PTPRD: variants seen among roughly 807,000 people sequenced by gnomAD.
PTPRD encodes receptor-type tyrosine-protein phosphatase delta.
Under a neutral mutation model 214.5 loss-of-function variants are expected in PTPRD, and 34 were observed. The observed-to-expected ratio is 0.16, with a 90% CI of 0.12 to 0.21. The LOEUF is 0.21. Ranked by LOEUF, PTPRD falls within the 10% of genes least tolerant of loss-of-function variation. The probability of loss-of-function intolerance (pLI) is 1.00; values close to 1 mark genes in which losing one functional copy is unlikely to be tolerated. For synonymous variants in PTPRD, 1,128 were observed against 845.7 expected (o/e 1.33, Z -5.79); for missense variants, 2,545 against 2,398.7 (o/e 1.06, Z -1.27).
chr9:9,437,373 C>G (rs1233402975), intron 8 of PTPRD, among the ~76,000 whole-genome samples: 1 of 152,096 alleles, frequency 6.6e-6, no homozygotes, highest in Non-Finnish European at 1.5e-5. Context: ...TTTGATTGCA[C>G]TGTCACCAGG....
chr9:8,391,896 G>A (rs761153828), intron 36 of PTPRD, among the ~76,000 whole-genome samples: 3 of 151,748 alleles, frequency 2.0e-5, no homozygotes, highest in Non-Finnish European at 4.4e-5. Flanking sequence ...GGGTAAAAAT[G>A]TTAATCAGTT....
At chr9:8,407,128 C>T (rs1054875538) in intron 35 of PTPRD, among the ~76,000 whole-genome samples, 8 of 152,124 alleles carry the variant, frequency 5.3e-5, no homozygotes, top group African/African-American at 1.9e-4. Context: ...ACTTTAAAAA[C>T]GAGTAACAGA....
intron 11 of PTPRD, among the ~76,000 whole-genome samples, chr9:8,916,319 G>A (rs1251181937): frequency 6.6e-6 from 1 of 152,146 alleles, no homozygotes; most frequent in African/African-American, 2.4e-5. Context: ...GGACAATTAT[G>A]ACATTTATTA....
intron 3 of PTPRD, among the ~76,000 whole-genome samples, chr9:10,207,071 A>G (rs2099486568): frequency 6.6e-6 from 1 of 152,172 alleles, no homozygotes; most frequent in Non-Finnish European, 1.5e-5. Context: ...TCATCTATCT[A>G]TATCTCTATA....
chr9:9,507,190 G>T lies in PTPRD; in HGVS notation c.-237+67542C>A, dbSNP rs2096589718. Among the ~76,000 whole-genome samples, 3 of 151,188 alleles carry T rather than the reference G, an allele frequency of 2.0e-5. No individual in the cohort carries two copies. The South Asian group carries it at 6.2e-4, about 31-fold the overall frequency. On this transcript the variant is annotated intron_variant, in intron 8 of 45. Coordinates refer to ENST00000381196, the MANE Select transcript of PTPRD (RefSeq NM_002839.4). The stretch of plus-strand genomic sequence containing the variant: ...ATAAAATTAACTGATTAAAAAGCAG[G>T]ATAGTAAGCATTATAATGTCAATTT...
chr9:9,595,415 C>T (rs999352617), intron 7 of PTPRD, among the ~76,000 whole-genome samples: 3 of 144,226 alleles, frequency 2.1e-5, no homozygotes, highest in Non-Finnish European at 3.0e-5. Context: ...CATATATATA[C>T]AAATGTACAC....
chr9:9,280,588 A>T (rs181211015), intron 9 of PTPRD, among the ~76,000 whole-genome samples: 1 of 151,348 alleles, frequency 6.6e-6, no homozygotes, highest in Middle Eastern at 3.2e-3. Context: ...TATAAGATCC[A>T]TATCAGGAAA....
At chr9:9,396,204 T>C (rs1392317876) in intron 9 of PTPRD, among the ~76,000 whole-genome samples, 1 of 151,954 alleles carries the variant, frequency 6.6e-6, no homozygotes, top group Admixed American at 6.6e-5. Context: ...CAAAACCAAA[T>C]CAAACGTTTG....
At chr9:10,516,428 T>G (rs1179382007) in intron 2 of PTPRD, among the ~76,000 whole-genome samples, 1 of 152,030 alleles carries the variant, frequency 6.6e-6, no homozygotes, top group Admixed American at 6.5e-5. Context: ...TTATTAGATT[T>G]TTGGAAATGA....
At chr9:9,136,941 A>T (rs938506675) in intron 10 of PTPRD, among the ~76,000 whole-genome samples, 1 of 152,084 alleles carries the variant, frequency 6.6e-6, no homozygotes, top group Non-Finnish European at 1.5e-5. Context: ...TGGCTTGCTC[A>T]GGGATAAACT....
intron 39 of PTPRD, among the ~76,000 whole-genome samples, chr9:8,375,210 G>A (rs555856589): frequency 3.7e-4 from 56 of 151,950 alleles, no homozygotes; most frequent in African/African-American, 1.2e-3. Flanking sequence ...ATACTTAAGA[G>A]GCACTCAAAC....
intron 39 of PTPRD, among the ~76,000 whole-genome samples, chr9:8,343,273 A>G (rs922874043): frequency 2.6e-5 from 4 of 152,084 alleles, no homozygotes; most frequent in African/African-American, 9.7e-5. Context: ...TGATATAACC[A>G]CTACTTTAAA....
At chr9:8,669,353 G>C (rs1402467415) in intron 12 of PTPRD, among the ~76,000 whole-genome samples, 3 of 152,138 alleles carry the variant, frequency 2.0e-5, no homozygotes, top group Non-Finnish European at 4.4e-5. Flanking sequence ...CCTGAGCAGA[G>C]AGACTGGCGC....
chr9:10,173,044 C>A (rs1333139151), intron 3 of PTPRD, among the ~76,000 whole-genome samples: 1 of 152,078 alleles, frequency 6.6e-6, no homozygotes, highest in Non-Finnish European at 1.5e-5. Context: ...GTATTAATTA[C>A]CTAACAAATA....
intron 10 of PTPRD, among the ~76,000 whole-genome samples, chr9:9,179,642 C>T (rs551533380): frequency 1.3e-5 from 2 of 152,058 alleles, no homozygotes; most frequent in African/African-American, 2.4e-5. Flanking sequence ...AAGACATACA[C>T]CCTCCTTTTA....
chr9:8,826,215 C>T (rs200168287), intron 11 of PTPRD, among the ~76,000 whole-genome samples: 2 of 152,040 alleles, frequency 1.3e-5, no homozygotes, highest in Non-Finnish European at 2.9e-5. Context: ...CTCATCCAGA[C>T]TACCTATAAT....
rs143443548 is a variant in PTPRD at position 10,418,017 on chromosome 9, A to T, written c.-599-77000T>A. On this transcript the variant is annotated intron_variant, in intron 2 of 45. Coordinates refer to ENST00000381196, the MANE Select transcript of PTPRD (RefSeq NM_002839.4). ...TAATGACATCTCCTAAAGCAGAAAA[A>T]AAGGAAGAAAAAATGGGAAAGAAAC... Among the ~76,000 whole-genome samples, 7 of 152,008 alleles carry T rather than the reference A, an allele frequency of 4.6e-5. No homozygotes were observed. The East Asian group carries it at 1.4e-3, about 30-fold the overall frequency.
chr9:10,321,428 AAAG>A (rs1412972259), intron 3 of PTPRD, among the ~76,000 whole-genome samples: 16 of 152,092 alleles, frequency 1.1e-4, no homozygotes, highest in African/African-American at 3.9e-4. Flanking sequence ...ACAGAATTAT[AAAG>A]AAGAAACTGA....
At chr9:8,364,238 A>G (rs1426083214) in intron 39 of PTPRD, among the ~76,000 whole-genome samples, 2 of 152,226 alleles carry the variant, frequency 1.3e-5, no homozygotes, top group South Asian at 2.1e-4. Flanking sequence ...TGGAATCAAG[A>G]AGGTCATTTA....
Sources: gnomAD v4.1 joint callset for allele counts (sites outside exome capture counted in the v4.1 genomes callset) on GRCh38, gnomAD v4.1.1 for gene constraint, MANE v1.5 for transcripts, NCBI Gene and HGNC (gene_info 2026-07-23, HGNC 2026-07-21) for gene names.